ATP5MJ: variants seen among roughly 807,000 people sequenced by gnomAD.
The protein encoded by ATP5MJ is ATP synthase membrane subunit j.
In ATP5MJ, 4 loss-of-function variants were observed where a neutral mutation model predicts 8.3. The ratio of observed to expected loss-of-function variants is 0.48; its 90% CI spans 0.24 to 1.11. The LOEUF (loss-of-function observed/expected upper bound fraction) is 1.11. Among genes scored for constraint, ATP5MJ ranks in the 50% least tolerant of loss-of-function variants. The pLI, the probability that ATP5MJ is intolerant of heterozygous loss-of-function variation, is 0.18. For missense variants in ATP5MJ, 66 were observed against 71.8 expected (o/e 0.92, Z 0.29); for synonymous variants, 23 against 21.3 (o/e 1.08, Z -0.23).
At chr14:103,913,588 G>A (rs1318142123) in intron 3 of ATP5MJ, 6 of 341,164 alleles carry the variant, frequency 1.8e-5, no homozygotes, top group African/African-American at 1.1e-4. Flanking sequence ...TCCAGCCTGG[G>A]CGACAGAGCG....
intron 1 of ATP5MJ, among the ~76,000 whole-genome samples, chr14:103,918,819 A>C (rs1168059703): frequency 6.6e-6 from 1 of 151,976 alleles, no homozygotes; most frequent in Non-Finnish European, 1.5e-5. Context: ...TCAGGAGATC[A>C]AGACCATCCT....
At chr14:103,920,923 T>C (rs1390999541) in intron 1 of ATP5MJ, 2 of 1,540,116 alleles carry the variant, frequency 1.3e-6, no homozygotes, top group Admixed American at 3.9e-5. Context: ...CACATTACAT[T>C]AAGGGCGAAC....
intron 1 of ATP5MJ, among the ~76,000 whole-genome samples, chr14:103,920,468 CTTTTTTTT>C (rs57538744): frequency 7.5e-5 from 8 of 106,550 alleles, no homozygotes; most frequent in South Asian, 3.3e-4. Context: ...ACAGCCCCTA[CTTTTTTTT>C]TTTTTTTTTT....
chr14:103,913,821 A>C, intron 3 of ATP5MJ, 140 bp downstream of exon 3: 1 of 943,640 alleles, frequency 1.1e-6, no homozygotes, highest in Non-Finnish European at 1.6e-6. Context: ...GCAAACTTCA[A>C]GCTGTGAAGC....
At chr14:103,913,845 C>T (rs2087601367) in intron 3 of ATP5MJ, 116 bp downstream of exon 3, 2 of 1,225,282 alleles carry the variant, frequency 1.6e-6, no homozygotes, top group Non-Finnish European at 2.3e-6. Context: ...TCAACTGCAC[C>T]TTACATATAT....
intron 1 of ATP5MJ, among the ~76,000 whole-genome samples, chr14:103,916,704 C>T (rs2087628591): frequency 6.6e-6 from 1 of 152,170 alleles, no homozygotes; most frequent in Non-Finnish European, 1.5e-5. Context: ...CATGATCACA[C>T]CACTGCACTG....
At chr14:103,914,969 A>G in intron 2 of ATP5MJ, 97 bp downstream of exon 2, 1 of 1,492,184 alleles carries the variant, frequency 6.7e-7, no homozygotes. Context: ...GTTCATACCT[A>G]GTTAGAACCC....
chr14:103,914,852 A>AC, intron 2 of ATP5MJ: 1 of 460,070 alleles, frequency 2.2e-6, no homozygotes, highest in East Asian at 4.3e-5. Context: ...AAAAAAAAAA[A>AC]AAAAAGAAAA....
At chr14:103,918,885 G>A (rs1567186794) in intron 1 of ATP5MJ, among the ~76,000 whole-genome samples, 1 of 152,004 alleles carries the variant, frequency 6.6e-6, no homozygotes, top group African/African-American at 2.4e-5. Context: ...AGCCGGGCGT[G>A]GTGGCGGGCG....
intron 2 of ATP5MJ, chr14:103,914,554 A>C: frequency 1.5e-6 from 1 of 689,174 alleles, no homozygotes; most frequent in Non-Finnish European, 2.7e-6. Context: ...TAATTCCAGC[A>C]CTTTGGGAAG....
chr14:103,917,465 T>G (rs1204313335), intron 1 of ATP5MJ, among the ~76,000 whole-genome samples: 5 of 152,140 alleles, frequency 3.3e-5, no homozygotes, highest in Non-Finnish European at 7.3e-5. Flanking sequence ...CAACTTTTTT[T>G]TTTTTTGCTT....
At chr14:103,914,837 C>CAAAAAGAAAAAAAAAAAAAAAAA (rs370479683) in intron 2 of ATP5MJ, 2 of 165,910 alleles carry the variant, frequency 1.2e-5, no homozygotes, top group African/African-American at 1.3e-4. Context: ...AGACTGTCTC[C>CAAAAAGAAAAAAAAAAAAAAAAA]AAAAAAAAAA....
intron 2 of ATP5MJ, 187 bp downstream of exon 2, chr14:103,914,879 T>C: frequency 2.5e-6 from 1 of 401,890 alleles, no homozygotes. Context: ...AAAAAAAAAA[T>C]TCCCCACTGT....
At chr14:103,913,606 G>A (rs1436682718) in intron 3 of ATP5MJ, 5 of 385,850 alleles carry the variant, frequency 1.3e-5, no homozygotes, top group African/African-American at 4.1e-5. Context: ...GCGAGGCTCC[G>A]TCTCAAAAAA....
chr14:103,921,179 G>A, intron 1 of ATP5MJ: 2 of 697,584 alleles, frequency 2.9e-6, no homozygotes, highest in South Asian at 3.6e-5. Context: ...GGGTTAGGCA[G>A]CTGAACCTCT....
rs779922073 is a variant in ATP5MJ, at chr14:103,915,083, T to C, written c.107A>G (p.Tyr36Cys). 2.5e-6 allele frequency: 4 copies of C among 1,614,088 alleles called. No individual in the cohort carries two copies. Among genetic ancestry groups the C allele is most frequent in the South Asian group, 1.1e-5 (1 of 91,072 alleles). Reference sequence around the variant, plus strand: ...AAACGTACCAGCAGCCCGGATTTTATAAACGATGAAGCCCATCAGCCCCAT... The same window carrying C: ...AAACGTACCAGCAGCCCGGATTTTACAAACGATGAAGCCCATCAGCCCCAT... ...IGMGLMGFIV[Y>C]KIRAADKRSK... The change falls in exon 2 of 4, where the codon TAT (tyrosine) becomes TGT (cysteine). Residue 36 changes from tyrosine (Y) to cysteine (C), a missense_variant. Tyr to Cys is a radical substitution (Grantham distance 194, BLOSUM62 -2). Coordinates refer to ENST00000286953, the MANE Select transcript of ATP5MJ (RefSeq NM_004894.3).
Position 103,913,228 on chromosome 14 carries a change from G to A in ATP5MJ, c.149-534C>T, listed in dbSNP as rs186098468. ...CCAGCTACTTGGGAGGCTAAGGCAG[G>A]AGAATTGCTTGAACCTGGAAGGCGG... On this transcript the variant is annotated intron_variant, in intron 3 of 3. Transcript: ENST00000286953. 864 of 153,750 alleles carry A rather than the reference G, an allele frequency of 5.6e-3. 4 individuals are homozygous for A. The highest frequency in any genetic ancestry group is 0.01 in the Admixed American group (159 of 15,438). The allele number at this position is 153,750 out of a possible 1,614,324, so 9.5% of individuals were successfully genotyped here.
At chr14:103,912,761 A>G (rs763200974) in intron 3 of ATP5MJ, 67 bp from the exon 4 acceptor site, 1 of 1,493,322 alleles carries the variant, frequency 6.7e-7, no homozygotes, top group Non-Finnish European at 9.3e-7. Context: ...GTAATTTATT[A>G]AACAAGTATC....
intron 3 of ATP5MJ, 60 bp downstream of exon 3, chr14:103,913,901 T>C (rs746886760): frequency 1.9e-6 from 3 of 1,563,740 alleles, no homozygotes; most frequent in Non-Finnish European, 2.6e-6. Flanking sequence ...ATATACCTTG[T>C]CCTGAAAAGA....
Sources: allele counts gnomAD v4.1 joint callset (sites outside exome capture counted in the v4.1 genomes callset), GRCh38; gene constraint gnomAD v4.1.1; transcripts MANE v1.5; gene names NCBI Gene and HGNC (gene_info 2026-07-23, HGNC 2026-07-21).